ATP6V0A2: variants seen among roughly 807,000 people sequenced by gnomAD.
ATP6V0A2 encodes the protein V-type proton ATPase 116 kDa subunit a 2.
In ATP6V0A2, 58 loss-of-function variants were observed where a neutral mutation model predicts 104.4. The ratio of observed to expected loss-of-function variants is 0.56; its 90% CI spans 0.45 to 0.69. ATP6V0A2 has a LOEUF of 0.69. Among genes scored for constraint, ATP6V0A2 ranks in the 30% least tolerant of loss-of-function variants. The pLI is 0.00. For missense variants in ATP6V0A2, 938 were observed against 1,062.9 expected (o/e 0.88, Z 1.63); for synonymous variants, 376 against 397.9 (o/e 0.95, Z 0.65).
At chr12:123,735,388 C>T in intron 7 of ATP6V0A2, 143 bp from the exon 8 acceptor site, 1 of 739,356 alleles carries the variant, frequency 1.4e-6, no homozygotes, top group Non-Finnish European at 2.4e-6. Flanking sequence ...CACAGCCCGA[C>T]CAAGGGCAGA....
chr12:123,718,928 T>C (rs545237559), intron 2 of ATP6V0A2, among the ~76,000 whole-genome samples: 1 of 152,342 alleles, frequency 6.6e-6, no homozygotes, highest in East Asian at 1.9e-4. Context: ...TATTTTGTTG[T>C]TACCCTTGTT....
chr12:123,716,026 T>C (rs1213266294), intron 1 of ATP6V0A2, among the ~76,000 whole-genome samples: 4 of 152,122 alleles, frequency 2.6e-5, no homozygotes, highest in Non-Finnish European at 5.9e-5. Flanking sequence ...CCAAGATATA[T>C]AATTTAACTT....
At chr12:123,720,454 T>C (rs966950032) in intron 2 of ATP6V0A2, among the ~76,000 whole-genome samples, 1 of 152,212 alleles carries the variant, frequency 6.6e-6, no homozygotes. Flanking sequence ...TCCAGCACTT[T>C]GGGAGGCCAA....
intron 17 of ATP6V0A2, among the ~76,000 whole-genome samples, chr12:123,753,615 G>C (rs781517997): frequency 6.6e-6 from 1 of 152,226 alleles, no homozygotes; most frequent in Non-Finnish European, 1.5e-5. Context: ...CAGTCACATT[G>C]CGGTTAGGGC....
chr12:123,714,088 T>A (rs1218769196), intron 1 of ATP6V0A2, among the ~76,000 whole-genome samples: 1 of 152,200 alleles, frequency 6.6e-6, no homozygotes, highest in East Asian at 1.9e-4. Context: ...TGCAGCAGGC[T>A]CCTACATTTG....
At chr12:123,738,690 A>G (rs1210621266) in intron 9 of ATP6V0A2, among the ~76,000 whole-genome samples, 1 of 152,142 alleles carries the variant, frequency 6.6e-6, no homozygotes, top group Non-Finnish European at 1.5e-5. Flanking sequence ...GGCTTTTCCC[A>G]CTGCAAGGTT....
At chr12:123,752,457 GA>G (rs1352142957) in intron 17 of ATP6V0A2, 55 bp downstream of exon 17, 2 of 1,597,910 alleles carry the variant, frequency 1.3e-6, no homozygotes, top group African/African-American at 1.3e-5. Context: ...AGCTTCCATA[GA>G]GATAATCATG....
chr12:123,757,214 G>GT (rs1956773478), intron 19 of ATP6V0A2, among the ~76,000 whole-genome samples: 1 of 152,174 alleles, frequency 6.6e-6, no homozygotes, highest in Non-Finnish European at 1.5e-5. Flanking sequence ...GCCAAGGCAG[G>GT]TGGATCACGT....
intron 2 of ATP6V0A2, chr12:123,721,370 C>T (rs1459205206): frequency 6.2e-6 from 1 of 160,014 alleles, no homozygotes; most frequent in Non-Finnish European, 1.4e-5. Flanking sequence ...GTGGTTTTGT[C>T]TAAGGGGATG....
rs749361416 is a variant in ATP6V0A2, at chr12:123,758,076, A to G, written c.*44A>G. On this transcript the variant is annotated 3_prime_UTR_variant, in exon 20 of 20. Transcript: ENST00000330342. ...CAAGCTTTCAGATTTATGGAGAATG[A>G]CCATGTTATAGACTTTCACTTATGT... 4 of 1,350,496 alleles carry G rather than the reference A, an allele frequency of 3.0e-6. No individual in the cohort carries two copies. In the Admixed American group the frequency reaches 5.1e-5, roughly 17 times the overall value. 83.7% of individuals were successfully genotyped at this position (1,350,496 alleles called of 1,614,324 possible).
rs562537757 is a variant in ATP6V0A2, at chr12:123,725,618, C to A, written c.433-579C>A. Among the ~76,000 whole-genome samples, 76 of 151,930 alleles carry A rather than the reference C, an allele frequency of 5.0e-4. No individual in the cohort carries two copies. In the South Asian group the frequency reaches 6.2e-3, roughly 12 times the overall value. Reference sequence around the variant, plus strand: ...AGTGAGAATTAATATGAGACCTTGTCTATACAAAAAATAAAAAATTAGCTG... The same window carrying A: ...AGTGAGAATTAATATGAGACCTTGTATATACAAAAAATAAAAAATTAGCTG... On this transcript the variant is annotated intron_variant, in intron 4 of 19. Transcript: ENST00000330342.
chr12:123,757,030 A>G, intron 19 of ATP6V0A2, 44 bp downstream of exon 19: 2 of 1,605,484 alleles, frequency 1.2e-6, no homozygotes, highest in Middle Eastern at 1.7e-4. Flanking sequence ...TAAAAAACAT[A>G]CCCGCCCCCC....
intron 1 of ATP6V0A2, among the ~76,000 whole-genome samples, chr12:123,715,984 C>T (rs1443812862): frequency 6.6e-6 from 1 of 152,086 alleles, no homozygotes; most frequent in Non-Finnish European, 1.5e-5. Context: ...AGTTTTTTCT[C>T]ACTTCCCAGA....
chr12:123,722,640 A>G (rs934810305), intron 3 of ATP6V0A2, among the ~76,000 whole-genome samples, 192 bp downstream of exon 3: 2 of 152,168 alleles, frequency 1.3e-5, no homozygotes, highest in African/African-American at 4.8e-5. Flanking sequence ...TTAAATTTTA[A>G]CAGTAATTCA....
At chr12:123,752,179 CAA>C in intron 16 of ATP6V0A2, 102 bp from the exon 17 acceptor site, 1 of 1,511,638 alleles carries the variant, frequency 6.6e-7, no homozygotes, top group South Asian at 1.1e-5. Context: ...TTTTTATTCT[CAA>C]AGAGCTGAAT....
chr12:123,754,849 A>T (rs1207119582), intron 18 of ATP6V0A2: 1 of 417,468 alleles, frequency 2.4e-6, no homozygotes, highest in African/African-American at 2.0e-5. Context: ...CCTCTGGTGT[A>T]AGCACTTGCT....
Position 123,744,586 on chromosome 12 carries a change from G to T in ATP6V0A2, c.1327-11G>T. ...AGTAACCATATTCTGCCCCCGCCTT[G>T]CCCTTCACAGATCATGAGGATGTTT... On this transcript the variant is annotated splice_polypyrimidine_tract_variant and intron_variant, in intron 11 of 19. Coordinates refer to ENST00000330342, the MANE Select transcript of ATP6V0A2 (RefSeq NM_012463.4). The surrounding 1 kb of genome is among the most constrained non-coding windows in gnomAD (Gnocchi z 5.4). 1 of 1,612,556 alleles carries T rather than the reference G, an allele frequency of 6.2e-7. No homozygotes were observed. Among genetic ancestry groups the T allele is most frequent in the Non-Finnish European group, 8.5e-7 (1 of 1,180,008 alleles).
At chr12:123,723,745 C>G (rs980317236) in intron 3 of ATP6V0A2, 1 of 152,208 alleles carries the variant, frequency 6.6e-6, no homozygotes, top group Non-Finnish European at 1.5e-5. Context: ...AGGCGTGAGC[C>G]ACCACGCCTG....
chr12:123,749,601 G>A (rs1176262342), intron 15 of ATP6V0A2, among the ~76,000 whole-genome samples: 1 of 152,200 alleles, frequency 6.6e-6, no homozygotes. Context: ...TATAGCGCAC[G>A]TGTCCAAAGT....
Sources: gnomAD v4.1 joint callset for allele counts (sites outside exome capture counted in the v4.1 genomes callset) on GRCh38, gnomAD v4.1.1 for gene constraint, Gnocchi (gnomAD v3.1) non-coding constraint, MANE v1.5 for transcripts, NCBI Gene and HGNC (gene_info 2026-07-23, HGNC 2026-07-21) for gene names.